SLC35F4: variants seen among roughly 807,000 people sequenced by gnomAD.
The protein encoded by SLC35F4 is solute carrier family 35 member F4, also known as chromosome 14 open reading frame 36.
Under a neutral mutation model 44.2 loss-of-function variants are expected in SLC35F4, and 24 were observed. That is an observed-to-expected ratio of 0.54 (90% confidence interval 0.39 to 0.76). SLC35F4 has a LOEUF of 0.76. Among genes scored for constraint, SLC35F4 ranks in the 30% least tolerant of loss-of-function variants. SLC35F4 has a pLI of 0.00. For missense variants in SLC35F4, 562 were observed against 586.1 expected, an observed-to-expected ratio of 0.96 and a Z score of 0.42; for synonymous variants, 238 against 223.6, an observed-to-expected ratio of 1.06 and a Z score of -0.57.
chr14:57,936,177 G>T (rs970417033), intron 1 of SLC35F4, among the ~76,000 whole-genome samples: 3 of 152,174 alleles, frequency 2.0e-5, no homozygotes, highest in African/African-American at 7.2e-5. Flanking sequence ...CATGCAAAAA[G>T]ATGGACCATT....
At position 57,805,330 on chromosome 14, in the gene SLC35F4, T is replaced by C. The variant is rs1697832764; in HGVS notation, c.103+60393A>G. On this transcript the variant is annotated intron_variant, in intron 1 of 7. Transcript: ENST00000556826. ...AAAGATACATGCATGCATATGTTCA[T>C]TGCAGCACTATTTACAACAGCAAAG... is the stretch of plus-strand genomic sequence containing the variant. Among the ~76,000 whole-genome samples the C allele has an allele frequency of 2.0e-5, 3 of 152,182 alleles. 1 individual carries two copies. Among genetic ancestry groups the C allele is most frequent in the South Asian group, 4.1e-4 (2 of 4,834 alleles).
chr14:57,814,062 T>A (rs1419369399), intron 1 of SLC35F4, among the ~76,000 whole-genome samples: 1 of 152,234 alleles, frequency 6.6e-6, no homozygotes. Flanking sequence ...GATGCAGCTG[T>A]ATGTATGTAT....
chr14:57,775,440 G>A (rs557525010), intron 1 of SLC35F4, among the ~76,000 whole-genome samples: 12 of 152,302 alleles, frequency 7.9e-5, no homozygotes, highest in African/African-American at 2.6e-4. Context: ...CAGCCCCTCC[G>A]GTACAGCAGG....
intron 1 of SLC35F4, among the ~76,000 whole-genome samples, chr14:57,969,922 C>A (rs1332150335): frequency 6.6e-6 from 1 of 152,060 alleles, no homozygotes. Context: ...TCACTGGGAG[C>A]CCCCACAAAA....
At chr14:57,622,396 T>C (rs1362405336) in intron 1 of SLC35F4, among the ~76,000 whole-genome samples, 4 of 148,504 alleles carry the variant, frequency 2.7e-5, no homozygotes, top group Non-Finnish European at 5.9e-5. Flanking sequence ...CTATTCACAA[T>C]AGCAAAGACT....
At chr14:57,754,446 C>T (rs935729225) in intron 1 of SLC35F4, among the ~76,000 whole-genome samples, 23 of 152,128 alleles carry the variant, frequency 1.5e-4, no homozygotes, top group Admixed American at 1.4e-3. Flanking sequence ...TGTTGGTTCC[C>T]TTGCATCCTT....
At chr14:57,800,302 C>T (rs1305876555) in intron 1 of SLC35F4, among the ~76,000 whole-genome samples, 1 of 152,156 alleles carries the variant, frequency 6.6e-6, no homozygotes, top group African/African-American at 2.4e-5. Flanking sequence ...AAAAGAAAAA[C>T]AAACAGAAAA....
chr14:57,705,583 C>T (rs2075651710), intron 1 of SLC35F4, among the ~76,000 whole-genome samples: 1 of 152,140 alleles, frequency 6.6e-6, no homozygotes, highest in Non-Finnish European at 1.5e-5. Flanking sequence ...TCCTCCATGG[C>T]CAAAGCTCCT....
intron 1 of SLC35F4, chr14:57,630,683 C>T (rs1848026964): frequency 3.3e-6 from 2 of 609,932 alleles, no homozygotes; most frequent in African/African-American, 1.8e-5. Flanking sequence ...TGCTCAGTGG[C>T]CATTGACAGT....
intron 1 of SLC35F4, among the ~76,000 whole-genome samples, chr14:57,859,416 AT>A (rs1373783146): frequency 2.6e-5 from 4 of 152,218 alleles, no homozygotes; most frequent in Non-Finnish European, 5.9e-5. Context: ...ATTATGAGTA[AT>A]TTTGTTTTAA....
chr14:57,794,521 CA>C (rs2078007918), intron 1 of SLC35F4, among the ~76,000 whole-genome samples: 1 of 151,958 alleles, frequency 6.6e-6, no homozygotes, highest in Admixed American at 6.6e-5. Context: ...CCAGAATGAC[CA>C]TTATTAACAA....
rs1414264 is a variant in SLC35F4, at chr14:57,883,997, G to C, written n.282+97916C>G. 0.023 allele frequency among the ~76,000 whole-genome samples: 3,552 copies of C among 152,236 alleles called. 432 individuals are homozygous for C. In the East Asian group the frequency reaches 0.4, roughly 17 times the overall value. The stretch of plus-strand genomic sequence containing the variant: ...AGAAAGGAAACGTTTCCAGCTAACA[G>C]GTCAGGTGATAGAGACAATAAGAGC... On this transcript the variant is annotated intron_variant and non_coding_transcript_variant, in intron 1 of 1. Coordinates refer to the SLC35F4 transcript ENST00000556568.
At chr14:57,802,879 G>A (rs2140860247) in intron 1 of SLC35F4, among the ~76,000 whole-genome samples, 1 of 149,590 alleles carries the variant, frequency 6.7e-6, no homozygotes, top group Non-Finnish European at 1.5e-5. Flanking sequence ...TCTACCAGAA[G>A]TACCATTTCT....
chr14:57,922,872 G>A (rs866768661), intron 1 of SLC35F4, among the ~76,000 whole-genome samples: 13 of 152,204 alleles, frequency 8.5e-5, no homozygotes, highest in African/African-American at 3.1e-4. Context: ...GCTGGGATTA[G>A]TAAAAATCCA....
chr14:57,917,142 C>A lies in SLC35F4; in HGVS notation n.282+64771G>T, dbSNP rs143222309. On this transcript the variant is annotated intron_variant and non_coding_transcript_variant, in intron 1 of 1. Transcript: ENST00000556568. ...ATGGTGCTCTCTCAGCTCACTGCAA[C>A]CTCCACCTCCTTGGTTCAAGTGATT... 2.5e-3 allele frequency among the ~76,000 whole-genome samples: 383 copies of A among 152,256 alleles called. 2 individuals are homozygous for A. The highest frequency in any genetic ancestry group is 6.8e-3 in the Middle Eastern group (2 of 294).
At chr14:57,727,004 C>T (rs4898946) in intron 1 of SLC35F4, among the ~76,000 whole-genome samples, 59,965 of 151,868 alleles carry the variant, frequency 0.39, 11,886 homozygotes, top group Middle Eastern at 0.42. Context: ...CCTCAAACAT[C>T]GGACTCCAAG....
intron 2 of SLC35F4, among the ~76,000 whole-genome samples, chr14:57,593,372 C>T (rs2070307442): frequency 6.6e-6 from 1 of 152,180 alleles, no homozygotes; most frequent in Non-Finnish European, 1.5e-5. Flanking sequence ...CTAGCAATTC[C>T]AGTCAGTAAC....
chr14:57,955,240 C>A (rs535708738), intron 1 of SLC35F4, among the ~76,000 whole-genome samples: 12 of 152,150 alleles, frequency 7.9e-5, no homozygotes, highest in Non-Finnish European at 1.3e-4. Context: ...TAAAATTCAA[C>A]ACCCCTTCAT....
intron 3 of SLC35F4, among the ~76,000 whole-genome samples, chr14:57,587,077 A>G (rs909423177): frequency 6.6e-6 from 1 of 152,240 alleles, no homozygotes; most frequent in Admixed American, 6.5e-5. Context: ...GTAACATACC[A>G]TCTCAGGCCA....
Sources: allele counts gnomAD v4.1 joint callset (sites outside exome capture counted in the v4.1 genomes callset), GRCh38; gene constraint gnomAD v4.1.1; transcripts MANE v1.5; gene names NCBI Gene and HGNC (gene_info 2026-07-23, HGNC 2026-07-21).